Variants in SCLY observed in about 807,000 individuals in gnomAD.
SCLY encodes the protein putative selenocysteine lyase.
SCLY carries 38 observed loss-of-function variants against 50.1 expected under a neutral mutation model. The observed-to-expected ratio is 0.76, with a 90% CI of 0.59 to 0.99. The LOEUF is 0.99. Among genes scored for constraint, SCLY ranks in the 50% least tolerant of loss-of-function variants. SCLY has a pLI of 0.00. For missense variants in SCLY, 600 were observed against 620.0 expected, an observed-to-expected ratio of 0.97 and a Z score of 0.34; for synonymous variants, 243 against 249.4, an observed-to-expected ratio of 0.97 and a Z score of 0.24.
chr2:238,098,558 C>CCACATA lies in SCLY; in HGVS notation c.*203_*204insCACATA, dbSNP rs1559254244. ...CTCACAGGGCCCAGGACACCAACGC[C>CCACATA]GCATAGGACTGCCCACATGGGACCG... On this transcript the variant is annotated 3_prime_UTR_variant, in exon 12 of 12. Transcript: ENST00000254663. 1.7e-6 allele frequency: 1 copy of CCACATA among 600,572 alleles called. No individual in the cohort carries two copies. Among genetic ancestry groups the CCACATA allele is most frequent in the African/African-American group, 1.9e-5 (1 of 53,050 alleles). The allele number at this position is 600,572 out of a possible 1,614,324, so 37.2% of individuals were successfully genotyped here. A position where few individuals can be genotyped will look rare whatever the true frequency, so the allele number is the denominator to read the frequency against.
intron 1 of SCLY, 142 bp from the exon 2 acceptor site, chr2:238,064,215 T>C: frequency 2.4e-6 from 1 of 416,846 alleles, no homozygotes; most frequent in Non-Finnish European, 4.3e-6. Flanking sequence ...GTGCAGCTTG[T>C]GGATGCCTGC....
In SCLY at chr2:238,093,835, TCCACTTGTTG is replaced by T; in HGVS notation, c.922-25_922-16del. 2 of 1,586,072 alleles carry T rather than the reference TCCACTTGTTG, an allele frequency of 1.3e-6. No homozygotes were observed. The highest frequency in any genetic ancestry group is 1.7e-6 in the Non-Finnish European group (2 of 1,163,186). On this transcript the variant is annotated splice_polypyrimidine_tract_variant and intron_variant, in intron 8 of 11. Coordinates refer to ENST00000254663, the MANE Select transcript of SCLY (RefSeq NM_016510.7). Reference sequence around the variant, plus strand: ...TCCTTTATTTTGCAAGAATTGTGCATCCACTTGTTGTGTGTCTGCCCCCAGGCCGCGGAGC... The same window carrying T: ...TCCTTTATTTTGCAAGAATTGTGCATTGTGTCTGCCCCCAGGCCGCGGAGC...
At position 238,069,047 on chromosome 2, in the gene SCLY, C is replaced by T. The variant is rs2065102683; in HGVS notation, c.304-250C>T. On this transcript the variant is annotated intron_variant, in intron 3 of 11. Coordinates refer to ENST00000254663, the MANE Select transcript of SCLY (RefSeq NM_016510.7). This position sits in a 1 kb window ranked among gnomAD's most constrained non-coding sequence, Gnocchi z 5.0. ...GCATATAACCACACTGCACTTATAC[C>T]AATACATTTATATAAATTCTTAAAA... Among the ~76,000 whole-genome samples the T allele has an allele frequency of 6.6e-6, 1 of 152,044 alleles. No homozygotes were observed. Among genetic ancestry groups the T allele is most frequent in the African/African-American group, 2.4e-5 (1 of 41,370 alleles).
chr2:238,075,548 TCTTTA>T (rs1421453468), intron 4 of SCLY, among the ~76,000 whole-genome samples: 6 of 152,222 alleles, frequency 3.9e-5, no homozygotes, highest in South Asian at 4.1e-4. Context: ...TGATTCAGTC[TCTTTA>T]CTTTTTATAG....
At chr2:238,086,638 C>T (rs1385917228) in intron 7 of SCLY, among the ~76,000 whole-genome samples, 4 of 145,520 alleles carry the variant, frequency 2.7e-5, no homozygotes, top group Admixed American at 1.4e-4. Context: ...CCCAGAAGTT[C>T]GAGGCTGCAG....
At chr2:238,090,960 T>A (rs2065355417) in intron 7 of SCLY, among the ~76,000 whole-genome samples, 1 of 148,522 alleles carries the variant, frequency 6.7e-6, no homozygotes, top group Non-Finnish European at 1.5e-5. Flanking sequence ...AGGAAAAGGG[T>A]CCAGATAGAA....
chr2:238,082,274 T>A, intron 6 of SCLY, 65 bp downstream of exon 6: 1 of 1,476,506 alleles, frequency 6.8e-7, no homozygotes, highest in Non-Finnish European at 9.2e-7. Flanking sequence ...TGTTTACTCC[T>A]CGGTCCGTAA....
intron 8 of SCLY, chr2:238,091,553 T>TACA: frequency 1.2e-5 from 4 of 338,902 alleles, no homozygotes; most frequent in East Asian, 5.8e-5. Context: ...GGTTCACCAT[T>TACA]CCCAAAGGCG....
intron 6 of SCLY, 84 bp downstream of exon 6, chr2:238,082,293 GC>G: frequency 7.3e-7 from 1 of 1,376,058 alleles, no homozygotes. Context: ...AAGCCTCACT[GC>G]CCACCGTGAG....
chr2:238,088,787 T>C (rs1433283148), intron 7 of SCLY, among the ~76,000 whole-genome samples: 2 of 152,206 alleles, frequency 1.3e-5, no homozygotes, highest in Non-Finnish European at 1.5e-5. Flanking sequence ...AAAGAACATC[T>C]ACATAAAACC....
intron 7 of SCLY, among the ~76,000 whole-genome samples, chr2:238,086,272 C>T (rs1216716403): frequency 1.3e-5 from 2 of 152,080 alleles, no homozygotes; most frequent in Non-Finnish European, 2.9e-5. Flanking sequence ...TTCTGAATTA[C>T]GTTTGATAGC....
At chr2:238,080,189 T>G (rs1383981885) in intron 4 of SCLY, 1 of 148,668 alleles carries the variant, frequency 6.7e-6, no homozygotes, top group African/African-American at 2.6e-5. Flanking sequence ...GCCATTGTCA[T>G]CATACTTTTC....
intron 4 of SCLY, among the ~76,000 whole-genome samples, chr2:238,075,285 A>G (rs1173854534): frequency 1.3e-5 from 2 of 152,202 alleles, no homozygotes; most frequent in Non-Finnish European, 2.9e-5. Context: ...TTGGTTCACT[A>G]GTATTTTGCT....
intron 11 of SCLY, among the ~76,000 whole-genome samples, chr2:238,097,143 TGGCCGG>T (rs1389217326): frequency 2.6e-5 from 2 of 76,512 alleles, no homozygotes; most frequent in East Asian, 8.9e-4. Context: ...AGGGCCAGCG[TGGCCGG>T]GGCTGGGGAG....
rs777979553 is a variant in SCLY at position 238,069,155 on chromosome 2, C to G, written c.304-142C>G. On this transcript the variant is annotated intron_variant, in intron 3 of 11. Transcript: ENST00000254663. The surrounding 1 kb of genome is among the most constrained non-coding windows in gnomAD (Gnocchi z 5.0). The stretch of plus-strand genomic sequence containing the variant: ...GAATGTTGGAAAACCCCAAATCTTT[C>G]AAAAGGTCCCACTCAGGAAGTTGAA... The G allele has an allele frequency of 1.9e-5, 13 of 693,582 alleles. No homozygotes were observed. Among genetic ancestry groups the G allele is most frequent in the Non-Finnish European group, 3.1e-5 (13 of 421,188 alleles). The allele number at this position is 693,582 out of a possible 1,614,324, so 43.0% of individuals were successfully genotyped here. A position where few individuals can be genotyped will look rare whatever the true frequency, so the allele number is the denominator to read the frequency against.
rs1464331583 is a variant in SCLY, at chr2:238,083,065, C to G, written c.778-183C>G. 5.9e-6 allele frequency: 4 copies of G among 682,836 alleles called. No homozygotes were observed. The East Asian group carries it at 1.2e-4, about 20-fold the overall frequency. 42.3% of individuals were successfully genotyped at this position (682,836 alleles called of 1,614,324 possible). A position where few individuals can be genotyped will look rare whatever the true frequency, so the allele number is the denominator to read the frequency against. ...GCTGCCTCCTAGGTTGGGGTTCCACCCTGCCCCGAAGGCTTTTGTGACTCT... is the reference window on the plus strand; with the variant it reads ...GCTGCCTCCTAGGTTGGGGTTCCACGCTGCCCCGAAGGCTTTTGTGACTCT... On this transcript the variant is annotated intron_variant, in intron 6 of 11. Transcript: ENST00000254663. The surrounding 1 kb of genome is among the most constrained non-coding windows in gnomAD (Gnocchi z 4.3).
At chr2:238,071,071 A>G (rs1428988344) in intron 4 of SCLY, among the ~76,000 whole-genome samples, 1 of 152,030 alleles carries the variant, frequency 6.6e-6, no homozygotes, top group Non-Finnish European at 1.5e-5. Flanking sequence ...ACCTCAGGTA[A>G]TCTGCCTGCC....
chr2:238,086,639 G>A (rs1449136655), intron 7 of SCLY, among the ~76,000 whole-genome samples: 3 of 149,208 alleles, frequency 2.0e-5, no homozygotes, highest in African/African-American at 5.0e-5. Context: ...CCAGAAGTTC[G>A]AGGCTGCAGT....
rs1042823173 is a variant in SCLY, at chr2:238,099,404, C to T, written c.*1049C>T. 1 of 455,616 alleles carries T rather than the reference C, an allele frequency of 2.2e-6. No individual in the cohort carries two copies. The highest frequency in any genetic ancestry group is 1.6e-5 in the South Asian group (1 of 62,228). The allele number at this position is 455,616 out of a possible 1,614,324, so 28.2% of individuals were successfully genotyped here. On this transcript the variant is annotated 3_prime_UTR_variant, in exon 12 of 12. Transcript: ENST00000254663. ...AACTAAATTAACGAATAAAAGATTT[C>T]AGTGCCCGACTTGGGGATCCTGTGG...
Sources: gnomAD v4.1 joint callset for allele counts (sites outside exome capture counted in the v4.1 genomes callset) on GRCh38, gnomAD v4.1.1 for gene constraint, Gnocchi (gnomAD v3.1) non-coding constraint, MANE v1.5 for transcripts, NCBI Gene and HGNC (gene_info 2026-07-23, HGNC 2026-07-21) for gene names.